Variants in GAS7 observed in about 807,000 individuals in gnomAD.
GAS7 encodes growth arrest specific 7.
A neutral mutation model predicts 71.1 loss-of-function variants in GAS7; 28 were observed. The ratio of observed to expected loss-of-function variants is 0.39; its 90% CI spans 0.29 to 0.54. GAS7 has a LOEUF of 0.54. GAS7 is among the 20% of genes least tolerant of loss of function. The pLI is 0.62. For synonymous variants in GAS7, 258 were observed against 245.8 expected, an observed-to-expected ratio of 1.05 and a Z score of -0.46; for missense variants, 436 against 627.8, an observed-to-expected ratio of 0.69 and a Z score of 3.27.
At chr17:9,983,514 C>T (rs1036561130) in intron 2 of GAS7, among the ~76,000 whole-genome samples, 123 of 149,276 alleles carry the variant, frequency 8.2e-4, no homozygotes, top group African/African-American at 2.8e-3. Flanking sequence ...AGGCCGGGCG[C>T]GGTGGCTCAT....
Position 9,969,799 on chromosome 17 carries a change from G to A in GAS7, c.386-37C>T, listed in dbSNP as rs371476679. 2.2e-5 allele frequency: 29 copies of A among 1,337,972 alleles called. 1 individual carries two copies. The highest frequency in any genetic ancestry group is 3.6e-4 in the Middle Eastern group (2 of 5,524). 82.9% of individuals were successfully genotyped at this position (1,337,972 alleles called of 1,614,324 possible). A position where few individuals can be genotyped will look rare whatever the true frequency, so the allele number is the denominator to read the frequency against. The stretch of plus-strand genomic sequence containing the variant: ...GAGACACGGCTCAGATGCTGTGTGG[G>A]CCACAGATGGGCACCCCCGCCTTTC... On this transcript the variant is annotated intron_variant, in intron 3 of 13. Coordinates refer to ENST00000432992, the MANE Select transcript of GAS7 (RefSeq NM_201433.2). This position sits in a 1 kb window ranked among gnomAD's most constrained non-coding sequence, Gnocchi z 5.5.
chr17:10,028,820 A>G (rs1387479147), intron 1 of GAS7, among the ~76,000 whole-genome samples: 3 of 152,248 alleles, frequency 2.0e-5, no homozygotes, highest in Non-Finnish European at 2.9e-5. Context: ...AACAAAGTGA[A>G]TTCGTTATGT....
intron 1 of GAS7, among the ~76,000 whole-genome samples, chr17:10,126,093 G>A (rs1450585377): frequency 6.6e-6 from 1 of 152,148 alleles, no homozygotes; most frequent in Non-Finnish European, 1.5e-5. Flanking sequence ...GTCGGGGGTG[G>A]TGGCCACACT....
chr17:10,074,363 G>A (rs932872293), intron 1 of GAS7, among the ~76,000 whole-genome samples: 31 of 152,222 alleles, frequency 2.0e-4, no homozygotes, highest in African/African-American at 7.2e-4. Context: ...TTTTTAACAT[G>A]TACACTTGAC....
At chr17:10,065,174 G>A (rs2073268307) in intron 1 of GAS7, among the ~76,000 whole-genome samples, 1 of 152,170 alleles carries the variant, frequency 6.6e-6, no homozygotes, top group Non-Finnish European at 1.5e-5. Context: ...TAAAGGGCAA[G>A]GTATACAGAT....
chr17:9,962,091 G>A (rs1417859380), intron 4 of GAS7, among the ~76,000 whole-genome samples: 1 of 152,164 alleles, frequency 6.6e-6, no homozygotes, highest in Non-Finnish European at 1.5e-5. Flanking sequence ...TTAGGTGTCA[G>A]CACCTTCCCT....
intron 4 of GAS7, among the ~76,000 whole-genome samples, chr17:9,963,300 G>C (rs1385195598): frequency 6.6e-6 from 1 of 152,058 alleles, no homozygotes; most frequent in African/African-American, 2.4e-5. Context: ...GAAAGATTAG[G>C]GGCTGCCTAA....
At chr17:10,086,124 G>A (rs922323383) in intron 1 of GAS7, among the ~76,000 whole-genome samples, 7 of 152,242 alleles carry the variant, frequency 4.6e-5, no homozygotes, top group African/African-American at 1.7e-4. Flanking sequence ...GAGGGTGGGG[G>A]TGAGGAGCAG....
intron 3 of GAS7, among the ~76,000 whole-genome samples, chr17:9,975,821 A>G (rs889206913): frequency 6.6e-6 from 1 of 152,206 alleles, no homozygotes; most frequent in African/African-American, 2.4e-5. Context: ...TTCCGCGCAC[A>G]CAGACGCAGA....
Position 10,006,887 on chromosome 17 carries a change from C to T in GAS7, c.304+12890G>A, listed in dbSNP as rs191903019. On this transcript the variant is annotated intron_variant, in intron 2 of 13. Coordinates refer to ENST00000432992, the MANE Select transcript of GAS7 (RefSeq NM_201433.2). ...GGGCCTTTCTTGGCAGTTTTATACT[C>T]ATTCTAAGTCTTGTCACCATAAAAT... Among the ~76,000 whole-genome samples, 223 of 152,318 alleles carry T rather than the reference C, an allele frequency of 1.5e-3. 1 individual carries two copies. Among genetic ancestry groups the T allele is most frequent in the Non-Finnish European group, 2.2e-3 (149 of 68,028 alleles).
At chr17:10,150,737 C>T (rs1461557523) in intron 1 of GAS7, among the ~76,000 whole-genome samples, 1 of 151,754 alleles carries the variant, frequency 6.6e-6, no homozygotes, top group African/African-American at 2.4e-5. Flanking sequence ...TACAGGCATG[C>T]ATCACTACCG....
intron 1 of GAS7, among the ~76,000 whole-genome samples, chr17:10,095,861 C>T (rs1486259535): frequency 1.3e-5 from 2 of 152,060 alleles, no homozygotes; most frequent in African/African-American, 4.8e-5. Flanking sequence ...GTGCTCCATC[C>T]CCTACAAACA....
At position 10,063,882 on chromosome 17, in the gene GAS7, C is replaced by CT. The variant is rs142941988; in HGVS notation, c.184-43986dup. ...GTGGTGAGGGGGGCAGAGGAAGCAT[C>CT]TTTTTTTCATCCAGCCACAGCAGTT... On this transcript the variant is annotated intron_variant, in intron 1 of 13. Transcript: ENST00000432992. Among the ~76,000 whole-genome samples, 1,482 of 152,304 alleles carry CT rather than the reference C, an allele frequency of 9.7e-3. 21 individuals are homozygous for CT. Among genetic ancestry groups the CT allele is most frequent in the African/African-American group, 0.032 (1,327 of 41,566 alleles).
At chr17:10,037,364 T>C (rs936947140) in intron 1 of GAS7, among the ~76,000 whole-genome samples, 1 of 152,236 alleles carries the variant, frequency 6.6e-6, no homozygotes, top group Non-Finnish European at 1.5e-5. Flanking sequence ...AGCAGCTGAC[T>C]ATTTAGCACT....
intron 9 of GAS7, among the ~76,000 whole-genome samples, chr17:9,933,231 C>G (rs146047843): frequency 1.3e-5 from 2 of 152,082 alleles, no homozygotes; most frequent in African/African-American, 4.8e-5. Flanking sequence ...AAAGAAGGAC[C>G]CTTTACTTGT....
intron 2 of GAS7, among the ~76,000 whole-genome samples, chr17:9,986,943 G>T (rs1414089432): frequency 6.6e-6 from 1 of 152,190 alleles, no homozygotes; most frequent in Non-Finnish European, 1.5e-5. Context: ...CTGGCTGGGT[G>T]ACCTCACCAG....
intron 2 of GAS7, among the ~76,000 whole-genome samples, chr17:9,999,733 G>T (rs1445764547): frequency 1.3e-5 from 2 of 152,160 alleles, no homozygotes; most frequent in Non-Finnish European, 2.9e-5. Context: ...TCCTTATCAT[G>T]AACCAGCACT....
At chr17:10,193,426 G>C (rs981855990) in intron 1 of GAS7, among the ~76,000 whole-genome samples, 4 of 152,080 alleles carry the variant, frequency 2.6e-5, no homozygotes, top group Non-Finnish European at 5.9e-5. Context: ...GCCTTCTGAG[G>C]GAGCTAGTCT....
At chr17:10,112,986 C>A (rs2073828474) in intron 1 of GAS7, among the ~76,000 whole-genome samples, 1 of 152,038 alleles carries the variant, frequency 6.6e-6, no homozygotes, top group African/African-American at 2.4e-5. Context: ...AGAGGCTAGA[C>A]CAAGTCCACC....
Sources: allele counts gnomAD v4.1 joint callset (sites outside exome capture counted in the v4.1 genomes callset), GRCh38; gene constraint gnomAD v4.1.1; non-coding constraint Gnocchi (gnomAD v3.1); transcripts MANE v1.5; gene names NCBI Gene and HGNC (gene_info 2026-07-23, HGNC 2026-07-21).